The following HDAC4 variants were observed in gnomAD, a reference collection of about 807,000 sequenced individuals.
HDAC4 encodes the protein histone deacetylase A.
HDAC4 carries 16 observed loss-of-function variants against 135.1 expected under a neutral mutation model. The observed-to-expected ratio is 0.12, with a 90% CI of 0.08 to 0.18. The LOEUF (loss-of-function observed/expected upper bound fraction) is 0.18, where lower values mean the gene tolerates loss of function less well. Among genes scored for constraint, HDAC4 ranks in the 10% least tolerant of loss-of-function variants. HDAC4 has a pLI of 1.00. For synonymous variants in HDAC4, 685 were observed against 653.4 expected, an observed-to-expected ratio of 1.05 and a Z score of -0.74; for missense variants, 1,143 against 1,511.8, an observed-to-expected ratio of 0.76 and a Z score of 4.05.
intron 2 of HDAC4, among the ~76,000 whole-genome samples, chr2:239,336,745 C>G (rs182830098): frequency 6.6e-6 from 1 of 152,346 alleles, no homozygotes; most frequent in African/African-American, 2.4e-5. Context: ...TAGCATCCTA[C>G]CTTACTACGG....
intron 2 of HDAC4, among the ~76,000 whole-genome samples, chr2:239,265,673 C>T (rs1230862625): frequency 6.6e-6 from 1 of 152,246 alleles, no homozygotes; most frequent in African/African-American, 2.4e-5. Context: ...CCGGCACCAA[C>T]ACAGGCACCC....
chr2:239,156,445 G>A (rs1020818159), intron 7 of HDAC4, among the ~76,000 whole-genome samples: 1 of 152,224 alleles, frequency 6.6e-6, no homozygotes, highest in South Asian at 2.1e-4. Context: ...GTGTACATGC[G>A]TTAGGTTCAT....
At chr2:239,066,883 G>A in intron 23 of HDAC4, 28 bp from the exon 24 acceptor site, 1 of 1,606,716 alleles carries the variant, frequency 6.2e-7, no homozygotes, top group Non-Finnish European at 8.5e-7. Flanking sequence ...AGACTGCAGT[G>A]TGAACGGGGG....
chr2:239,205,648 C>T (rs866587223), intron 3 of HDAC4, among the ~76,000 whole-genome samples: 2 of 151,550 alleles, frequency 1.3e-5, no homozygotes, highest in Non-Finnish European at 2.9e-5. Flanking sequence ...AAACAGACTT[C>T]ATCTGAACAA....
chr2:239,271,746 TCTC>T (rs1181364866), intron 2 of HDAC4, among the ~76,000 whole-genome samples: 6 of 152,190 alleles, frequency 3.9e-5, no homozygotes, highest in African/African-American at 1.4e-4. Flanking sequence ...ACGTGGCCTC[TCTC>T]CTCAGGATGT....
intron 12 of HDAC4, among the ~76,000 whole-genome samples, chr2:239,124,932 G>A (rs74000700): frequency 4.8e-5 from 6 of 125,108 alleles, no homozygotes; most frequent in African/African-American, 1.3e-4. Flanking sequence ...GCGTGTGGCT[G>A]CGTTATATGA....
Position 239,213,255 on chromosome 2 carries a change from A to C in HDAC4, c.95-23178T>G, listed in dbSNP as rs543665811. Among the ~76,000 whole-genome samples the C allele has an allele frequency of 5.1e-3, 776 of 152,256 alleles. 4 individuals carry two copies. Among genetic ancestry groups the C allele is most frequent in the Middle Eastern group, 0.017 (5 of 294 alleles). On this transcript the variant is annotated intron_variant, in intron 3 of 26. Transcript: ENST00000543185. ...GGAGGGGCGGGCGGGGCACAGCCAC[A>C]AGGACAGATGCTGGGTAGCCAGGAG...
At chr2:239,064,111 C>T (rs2033163514) in intron 24 of HDAC4, among the ~76,000 whole-genome samples, 1 of 152,228 alleles carries the variant, frequency 6.6e-6, no homozygotes, top group Non-Finnish European at 1.5e-5. Context: ...GCTGGAGGAA[C>T]ACACAGCTGA....
chr2:239,293,374 T>C (rs577599987), intron 2 of HDAC4, among the ~76,000 whole-genome samples: 1 of 152,316 alleles, frequency 6.6e-6, no homozygotes, highest in East Asian at 1.9e-4. Flanking sequence ...GGTGAATAAC[T>C]GCAAACACCT....
At chr2:239,263,941 C>T (rs1425354648) in intron 2 of HDAC4, among the ~76,000 whole-genome samples, 2 of 152,224 alleles carry the variant, frequency 1.3e-5, no homozygotes, top group Non-Finnish European at 2.9e-5. Flanking sequence ...GCCACTGCTC[C>T]CCTCAGTCTG....
At chr2:239,137,958 A>C (rs1344309058) in intron 9 of HDAC4, among the ~76,000 whole-genome samples, 3 of 152,230 alleles carry the variant, frequency 2.0e-5, no homozygotes, top group Non-Finnish European at 2.9e-5. Flanking sequence ...CAGAACTGGA[A>C]TGATGCAGAC....
At chr2:239,337,675 C>A (rs1188826869) in intron 2 of HDAC4, among the ~76,000 whole-genome samples, 2 of 152,144 alleles carry the variant, frequency 1.3e-5, no homozygotes, top group African/African-American at 2.4e-5. Flanking sequence ...ACATATCTGA[C>A]CAGAGCCAAC....
chr2:239,274,478 C>T (rs966453967), intron 2 of HDAC4, among the ~76,000 whole-genome samples: 12 of 152,326 alleles, frequency 7.9e-5, no homozygotes, highest in East Asian at 3.9e-4. Context: ...GCCAGGGCGC[C>T]GCTGGTCTCT....
rs1363954261 is a variant in HDAC4 at position 239,068,285 on chromosome 2, G to T, written c.2869+204C>A. Reference sequence around the variant, plus strand: ...TTCCTGGGCAAAGAGTGCCCGAGGTGCCTGGGTCTGAGCTCCCGCTGCCTG... The same window carrying T: ...TTCCTGGGCAAAGAGTGCCCGAGGTTCCTGGGTCTGAGCTCCCGCTGCCTG... On this transcript the variant is annotated intron_variant, in intron 23 of 26. Transcript: ENST00000543185. The surrounding 1 kb of genome is among the most constrained non-coding windows in gnomAD (Gnocchi z 4.4). Among the ~76,000 whole-genome samples, 1 of 152,230 alleles carries T rather than the reference G, an allele frequency of 6.6e-6. No homozygotes were observed. Among genetic ancestry groups the T allele is most frequent in the Non-Finnish European group, 1.5e-5 (1 of 68,044 alleles).
At position 239,134,650 on chromosome 2, in the gene HDAC4, A is replaced by G; in HGVS notation, c.979-7T>C. On this transcript the variant is annotated splice_polypyrimidine_tract_variant and splice_region_variant and intron_variant, in intron 9 of 26. Transcript: ENST00000543185. ...GTCTGTGCGCCAAACTCGTCTGGGG[A>G]CAGAACACACGATGACCATCACAGT... The G allele has an allele frequency of 1.2e-6, 2 of 1,605,076 alleles. No individual in the cohort carries two copies. The highest frequency in any genetic ancestry group is 1.7e-6 in the Non-Finnish European group (2 of 1,171,666).
chr2:239,363,072 T>C (rs977394733), intron 1 of HDAC4, among the ~76,000 whole-genome samples: 1 of 152,144 alleles, frequency 6.6e-6, no homozygotes, highest in African/African-American at 2.4e-5. Context: ...GCATACAATA[T>C]TAGCAAATAT....
At chr2:239,397,332 G>A (rs1467698934) in intron 1 of HDAC4, among the ~76,000 whole-genome samples, 1 of 152,184 alleles carries the variant, frequency 6.6e-6, no homozygotes. Flanking sequence ...ACACCTACAT[G>A]GTGAGTGCAT....
At chr2:239,265,708 G>C (rs970255859) in intron 2 of HDAC4, among the ~76,000 whole-genome samples, 1 of 152,242 alleles carries the variant, frequency 6.6e-6, no homozygotes, top group Non-Finnish European at 1.5e-5. Context: ...CACCAGGCTG[G>C]GTGCAGGCTC....
intron 14 of HDAC4, among the ~76,000 whole-genome samples, chr2:239,109,707 T>C (rs1453863359): frequency 1.3e-5 from 2 of 151,808 alleles, no homozygotes; most frequent in African/African-American, 4.8e-5. Flanking sequence ...TGGCTGTGCT[T>C]GGGAGTTTGT....
Sources: gnomAD v4.1 joint callset for allele counts (sites outside exome capture counted in the v4.1 genomes callset) on GRCh38, gnomAD v4.1.1 for gene constraint, Gnocchi (gnomAD v3.1) non-coding constraint, MANE v1.5 for transcripts, NCBI Gene and HGNC (gene_info 2026-07-23, HGNC 2026-07-21) for gene names.